RNF103: variants seen among roughly 807,000 people sequenced by gnomAD.
The protein encoded by RNF103 is ring finger protein 103, also known as E3 ubiquitin-protein ligase RNF103.
Under a neutral mutation model 66.2 loss-of-function variants are expected in RNF103, and 23 were observed. The observed-to-expected ratio is 0.35, with a 90% CI of 0.25 to 0.49. The LOEUF (loss-of-function observed/expected upper bound fraction) is 0.49. RNF103 is among the 20% of genes least tolerant of loss of function. The probability of loss-of-function intolerance (pLI) is 0.98; values close to 1 mark genes in which losing one functional copy is unlikely to be tolerated. For missense variants in RNF103, 730 were observed against 814.7 expected (o/e 0.90, Z 1.27); for synonymous variants, 297 against 289.9 (o/e 1.02, Z -0.25).
chr2:86,604,265 T>C lies in RNF103; in HGVS notation c.1636A>G (p.Thr546Ala), dbSNP rs767995579. ...AATACTTCCTTCTCACTACTCAAAGTGTCTGTGTTCTCACTTTCCGAGTCA... is the reference window on the plus strand; with the variant it reads ...AATACTTCCTTCTCACTACTCAAAGCGTCTGTGTTCTCACTTTCCGAGTCA... ...ENDSESENTD[T>A]LSSEKEVFED... Residue 546 changes from threonine to alanine, a missense_variant, in exon 4 of 4, where the codon ACT becomes GCT. Coordinates refer to ENST00000237455, the MANE Select transcript of RNF103 (RefSeq NM_005667.4). 7.4e-5 allele frequency: 119 copies of C among 1,614,134 alleles called. No homozygotes were observed. Among genetic ancestry groups the C allele is most frequent in the Non-Finnish European group, 9.8e-5 (116 of 1,180,056 alleles).
At position 86,606,316 on chromosome 2, in the gene RNF103, T is replaced by C. The variant is rs1558682734; in HGVS notation, c.483-898A>G. Among the ~76,000 whole-genome samples, 8 of 152,068 alleles carry C rather than the reference T, an allele frequency of 5.3e-5. No homozygotes were observed. The South Asian group carries it at 1.7e-3, about 31-fold the overall frequency. ...TATTGACAGGTTCTTGCTAGGATAT[T>C]TGTGATATCCATCTTCCCTTAAAAA... is the stretch of plus-strand genomic sequence containing the variant. On this transcript the variant is annotated intron_variant, in intron 3 of 3. Transcript: ENST00000237455.
At chr2:86,612,306 A>G in intron 2 of RNF103, 32 bp from the exon 3 acceptor site, 1 of 1,288,026 alleles carries the variant, frequency 7.8e-7, no homozygotes, top group Non-Finnish European at 1.1e-6. Context: ...AAGAAACTTG[A>G]ATTACCTAAA....
intron 3 of RNF103, among the ~76,000 whole-genome samples, chr2:86,606,955 G>C (rs944352847): frequency 6.6e-6 from 1 of 151,878 alleles, no homozygotes; most frequent in African/African-American, 2.4e-5. Context: ...AGTTTTAAAA[G>C]AATTTTTTGT....
intron 2 of RNF103, chr2:86,616,749 G>A (rs1573366533): frequency 1.0e-6 from 1 of 985,328 alleles, no homozygotes. Context: ...AATTCCATAT[G>A]ATGTAACACA....
At position 86,620,530 on chromosome 2, in the gene RNF103, G is replaced by A. The variant is rs1348910068; in HGVS notation, c.227-61C>T. On this transcript the variant is annotated intron_variant, in intron 1 of 3. Transcript: ENST00000237455. ...CAAGAATCCTAGATTCCCAATTTCA[G>A]TAATTCTATTTTTTACACTGTTAAG... The A allele has an allele frequency of 5.5e-6, 8 of 1,449,600 alleles. No homozygotes were observed. In the Admixed American group the frequency reaches 8.3e-5, roughly 15 times the overall value. The allele number at this position is 1,449,600 out of a possible 1,614,324, so 89.8% of individuals were successfully genotyped here. A position where few individuals can be genotyped will look rare whatever the true frequency, so the allele number is the denominator to read the frequency against.
chr2:86,617,929 C>A, intron 2 of RNF103: 2 of 811,974 alleles, frequency 2.5e-6, no homozygotes, highest in Non-Finnish European at 3.6e-6. Context: ...TCTTTCAGAC[C>A]AGGCCAGCCA....
At chr2:86,606,016 C>T (rs1325573148) in intron 3 of RNF103, among the ~76,000 whole-genome samples, 1 of 151,156 alleles carries the variant, frequency 6.6e-6, no homozygotes, top group Non-Finnish European at 1.5e-5. Context: ...ACCACAATGC[C>T]TGACTGCTAC....
chr2:86,615,019 C>T (rs1334997006), intron 2 of RNF103: 2 of 985,230 alleles, frequency 2.0e-6, no homozygotes, highest in African/African-American at 1.7e-5. Flanking sequence ...ATCTTGTTCA[C>T]TGCACAGGTA....
chr2:86,619,196 T>TGACAGTACCAGACCTGTAACAGC (rs1042854657), intron 2 of RNF103, among the ~76,000 whole-genome samples: 1 of 152,206 alleles, frequency 6.6e-6, no homozygotes, highest in African/African-American at 2.4e-5. Flanking sequence ...TGCTAGTCAG[T>TGACAGTACCAGACCTGTAACAGC]GACAGTACCA....
Position 86,622,936 on chromosome 2 carries a change from G to A in RNF103, c.-50C>T, listed in dbSNP as rs1558690236. 1 of 1,541,482 alleles carries A rather than the reference G, an allele frequency of 6.5e-7. No homozygotes were observed. The highest frequency in any genetic ancestry group is 8.8e-7 in the Non-Finnish European group (1 of 1,142,220). On this transcript the variant is annotated 5_prime_UTR_variant, in exon 1 of 4. Transcript: ENST00000237455. The stretch of plus-strand genomic sequence containing the variant: ...CAGAGAGCTCGGAATACGGGAGAGA[G>A]AAGGGTCGAGGGCGGGGGCCGCGGC...
At position 86,623,641 on chromosome 2, in the gene RNF103, T is replaced by C; in HGVS notation, c.-755A>G. ...GCCCAGGATGGGGCGTCGCGGTCTC[T>C]GCAGATGGAATCGGTCTCGGAGGGA... is the stretch of plus-strand genomic sequence containing the variant. On this transcript the variant is annotated 5_prime_UTR_variant, in exon 1 of 4. Coordinates refer to ENST00000237455, the MANE Select transcript of RNF103 (RefSeq NM_005667.4). The C allele has an allele frequency of 5.3e-6, 6 of 1,137,164 alleles. No homozygotes were observed. The highest frequency in any genetic ancestry group is 6.5e-6 in the Non-Finnish European group (6 of 916,744). The allele number at this position is 1,137,164 out of a possible 1,614,324, so 70.4% of individuals were successfully genotyped here. A position where few individuals can be genotyped will look rare whatever the true frequency, so the allele number is the denominator to read the frequency against.
intron 2 of RNF103, chr2:86,618,564 T>C (rs1448313084): frequency 8.5e-5 from 13 of 152,288 alleles, no homozygotes; most frequent in Admixed American, 7.9e-4. Context: ...CCAGAATGTA[T>C]TTGTTGTCTA....
intron 1 of RNF103, among the ~76,000 whole-genome samples, chr2:86,621,667 T>C (rs904422325): frequency 3.3e-5 from 5 of 151,318 alleles, no homozygotes; most frequent in African/African-American, 1.2e-4. Flanking sequence ...GCTACATGTC[T>C]ATAAGGTACT....
chr2:86,608,486 CAAAAAAAAAAA>C (rs1222638516), intron 3 of RNF103, among the ~76,000 whole-genome samples: 1 of 40,122 alleles, frequency 2.5e-5, no homozygotes, highest in Non-Finnish European at 5.8e-5. Flanking sequence ...GACTCCATCT[CAAAAAAAAAAA>C]AAAAAAAAAA....
Position 86,603,897 on chromosome 2 carries a change from TTTA to T in RNF103, c.2001_2003del (p.Tyr667_Lys668delinsTer). On this transcript the variant is annotated stop_gained and inframe_deletion, in exon 4 of 4. Transcript: ENST00000237455. LOFTEE classifies it high-confidence loss of function. Reference sequence around the variant, plus strand: ...GGTGTTGTGCATATGGCTGCTTTTTTTTATAAGAAGGCCACCGGCAAACAGGGC... The same window carrying T: ...GGTGTTGTGCATATGGCTGCTTTTTTTAAGAAGGCCACCGGCAAACAGGGC... 6.2e-7 allele frequency: 1 copy of T among 1,614,140 alleles called. No individual in the cohort carries two copies. Among genetic ancestry groups the T allele is most frequent in the Non-Finnish European group, 8.5e-7 (1 of 1,180,024 alleles).
intron 3 of RNF103, 43 bp downstream of exon 3, chr2:86,612,115 TC>T: frequency 6.2e-6 from 8 of 1,282,120 alleles, no homozygotes; most frequent in Non-Finnish European, 7.8e-6. Context: ...ATAAGAAAGA[TC>T]CTGGTCAGGA....
chr2:86,623,772 C>A lies in RNF103; in HGVS notation c.-886G>T, dbSNP rs748456092. 1 of 1,282,966 alleles carries A rather than the reference C, an allele frequency of 7.8e-7. No individual in the cohort carries two copies. Among genetic ancestry groups the A allele is most frequent in the South Asian group, 1.2e-5 (1 of 80,476 alleles). 79.5% of individuals were successfully genotyped at this position (1,282,966 alleles called of 1,614,324 possible). ...CGGATGGGCAGTGCCGGTCGCAGCA[C>A]CCGTCCCCAACACCCCCGCCACCTC... On this transcript the variant is annotated 5_prime_UTR_variant, in exon 1 of 4. Coordinates refer to ENST00000237455, the MANE Select transcript of RNF103 (RefSeq NM_005667.4).
chr2:86,607,192 A>G (rs1351363558), intron 3 of RNF103, among the ~76,000 whole-genome samples: 1 of 152,252 alleles, frequency 6.6e-6, no homozygotes, highest in Admixed American at 6.5e-5. Context: ...ATGCATAGTA[A>G]TAAATATCTG....
Position 86,605,397 on chromosome 2 carries a change from C to G in RNF103, c.504G>C (p.Trp168Cys), listed in dbSNP as rs755692187. Residue 168 changes from tryptophan (W) to cysteine (C), a missense_variant, in exon 4 of 4, where the codon TGG (tryptophan) becomes TGC (cysteine). This residue lies in a region of RNF103 where 327 missense variants were observed against 369.8 expected (regional missense o/e 0.88). Transcript: ENST00000237455. ...SDPRYCRRRG[W>C]VRSTLIMSVP... ...CAGACATAATGAGTGTGGATCGGAC[C>G]CAGCCTCTTCTCCTGCAATATCTAC... 1.2e-6 allele frequency: 2 copies of G among 1,608,404 alleles called. No homozygotes were observed. Among genetic ancestry groups the G allele is most frequent in the Non-Finnish European group, 8.5e-7 (1 of 1,177,650 alleles).
Sources: gnomAD v4.1 joint callset for allele counts (sites outside exome capture counted in the v4.1 genomes callset) on GRCh38, gnomAD v4.1.1 for gene constraint, gnomAD v4.1.1 regional missense constraint, MANE v1.5 for transcripts, NCBI Gene and HGNC (gene_info 2026-07-23, HGNC 2026-07-21) for gene names.